Variants in VPS13A observed in about 807,000 individuals in gnomAD.
VPS13A encodes the protein vacuolar protein sorting 13 homolog A.
VPS13A carries 264 observed loss-of-function variants against 390.9 expected under a neutral mutation model. The ratio of observed to expected loss-of-function variants is 0.68; its 90% CI spans 0.61 to 0.75. The LOEUF is 0.75. Among genes scored for constraint, VPS13A ranks in the 30% least tolerant of loss-of-function variants. VPS13A has a pLI of 0.00. For missense variants in VPS13A, 3,409 were observed against 3,733.9 expected (o/e 0.91, Z 2.27); for synonymous variants, 1,231 against 1,227.1 (o/e 1.00, Z -0.07).
intron 68 of VPS13A, 181 bp downstream of exon 68, chr9:77,382,268 C>CT: frequency 6.8e-7 from 1 of 1,472,494 alleles, no homozygotes; most frequent in Non-Finnish European, 9.0e-7. Flanking sequence ...ATTTTTTTTT[C>CT]TTTTTTACAG....
intron 23 of VPS13A, among the ~76,000 whole-genome samples, chr9:77,265,417 A>G (rs543049661): frequency 3.3e-5 from 5 of 152,038 alleles, no homozygotes; most frequent in South Asian, 2.1e-4. Flanking sequence ...CTTTGAATCT[A>G]TCTGGTCGTG....
At chr9:77,217,345 G>A (rs1822920979) in intron 10 of VPS13A, among the ~76,000 whole-genome samples, 1 of 152,154 alleles carries the variant, frequency 6.6e-6, no homozygotes, top group South Asian at 2.1e-4. Context: ...AAATTGTGGA[G>A]TACAATCCTT....
chr9:77,295,333 ATTTTT>A (rs1827919534), intron 32 of VPS13A, among the ~76,000 whole-genome samples: 1 of 152,072 alleles, frequency 6.6e-6, no homozygotes, highest in Non-Finnish European at 1.5e-5. Context: ...TGAGGACTAG[ATTTTT>A]ATTTTATCTG....
intron 5 of VPS13A, among the ~76,000 whole-genome samples, chr9:77,207,217 A>T (rs1203145074): frequency 2.1e-5 from 1 of 48,038 alleles, no homozygotes; most frequent in Non-Finnish European, 3.8e-5. Context: ...TAGATATTAT[A>T]TATATATATA....
At chr9:77,194,429 A>G (rs1824869009) in intron 1 of VPS13A, among the ~76,000 whole-genome samples, 2 of 152,106 alleles carry the variant, frequency 1.3e-5, no homozygotes. Context: ...TCTAGGTCCA[A>G]TAGTCAGCAA....
At chr9:77,398,553 G>C (rs552481482) in intron 68 of VPS13A, among the ~76,000 whole-genome samples, 1 of 152,068 alleles carries the variant, frequency 6.6e-6, no homozygotes, top group Non-Finnish European at 1.5e-5. Flanking sequence ...ATGATGTTTT[G>C]AGTAGTCTAA....
Position 77,209,587 on chromosome 9 carries a change from C to G in VPS13A, c.495+55C>G. 6 of 1,147,030 alleles carry G rather than the reference C, an allele frequency of 5.2e-6. No homozygotes were observed. In the South Asian group the frequency reaches 6.9e-5, roughly 13 times the overall value. 71.1% of individuals were successfully genotyped at this position (1,147,030 alleles called of 1,614,324 possible). On this transcript the variant is annotated intron_variant, in intron 6 of 71. Coordinates refer to ENST00000360280, the MANE Select transcript of VPS13A (RefSeq NM_033305.3). ...TTATATTTATATGTAAGTTATTTTA[C>G]TATTTAATGACACCTACTTTTTAAT...
intron 68 of VPS13A, among the ~76,000 whole-genome samples, chr9:77,383,813 C>T (rs944033980): frequency 6.6e-6 from 1 of 151,950 alleles, no homozygotes; most frequent in Non-Finnish European, 1.5e-5. Context: ...AACCACAGCA[C>T]TTGTCAGCCA....
intron 68 of VPS13A, among the ~76,000 whole-genome samples, chr9:77,391,626 A>G (rs187471745): frequency 2.9e-4 from 44 of 152,332 alleles, no homozygotes; most frequent in South Asian, 6.2e-4. Context: ...GAAGCACTAT[A>G]AAGAAATATA....
At chr9:77,330,174 C>G (rs1830210730) in intron 45 of VPS13A, among the ~76,000 whole-genome samples, 1 of 150,788 alleles carries the variant, frequency 6.6e-6, no homozygotes, top group African/African-American at 2.4e-5. Context: ...CACCACCATA[C>G]CTGGCTAATC....
chr9:77,208,097 A>G (rs778871947), intron 5 of VPS13A, among the ~76,000 whole-genome samples: 1 of 152,220 alleles, frequency 6.6e-6, no homozygotes, highest in Non-Finnish European at 1.5e-5. Context: ...TGGGTAGAGA[A>G]AGAAAGACAA....
intron 47 of VPS13A, 75 bp downstream of exon 47, chr9:77,337,612 A>T: frequency 6.9e-7 from 1 of 1,444,454 alleles, no homozygotes; most frequent in East Asian, 2.3e-5. Context: ...AGATCAATAA[A>T]AACTATTTTA....
chr9:77,233,138 G>T (rs750786675), intron 17 of VPS13A, among the ~76,000 whole-genome samples: 3 of 151,970 alleles, frequency 2.0e-5, no homozygotes, highest in Non-Finnish European at 4.4e-5. Context: ...TCTCGAGGCA[G>T]TTTTTGTAAT....
intron 52 of VPS13A, among the ~76,000 whole-genome samples, chr9:77,348,243 A>G (rs555910362): frequency 6.6e-6 from 1 of 152,324 alleles, no homozygotes; most frequent in East Asian, 1.9e-4. Context: ...TCAACGATAG[A>G]CTGGATGAAG....
intron 68 of VPS13A, among the ~76,000 whole-genome samples, chr9:77,383,333 A>G (rs910146449): frequency 6.6e-6 from 1 of 152,060 alleles, no homozygotes; most frequent in Admixed American, 6.6e-5. Flanking sequence ...CTGGTAATCT[A>G]TTAAGAGGTT....
intron 34 of VPS13A, among the ~76,000 whole-genome samples, chr9:77,304,580 A>G (rs1828603034): frequency 6.6e-6 from 1 of 152,238 alleles, no homozygotes; most frequent in Non-Finnish European, 1.5e-5. Context: ...ATTTAAAGCC[A>G]TGGAAATATA....
intron 1 of VPS13A, among the ~76,000 whole-genome samples, chr9:77,183,108 G>A (rs1388242595): frequency 2.0e-5 from 3 of 152,042 alleles, no homozygotes; most frequent in Non-Finnish European, 4.4e-5. Context: ...AAACTTTAAA[G>A]ACTATGAAAC....
chr9:77,234,290 C>T (rs926007344), intron 17 of VPS13A, among the ~76,000 whole-genome samples: 13 of 152,168 alleles, frequency 8.5e-5, no homozygotes, highest in Admixed American at 8.5e-4. Flanking sequence ...GATCTTCCCA[C>T]CACAGCCTCC....
chr9:77,283,716 A>G, intron 31 of VPS13A, 66 bp downstream of exon 31: 1 of 1,287,776 alleles, frequency 7.8e-7, no homozygotes, highest in Non-Finnish European at 1.1e-6. Flanking sequence ...GAGTGGTCAT[A>G]GGTATCATTT....
Sources: allele counts gnomAD v4.1 joint callset (sites outside exome capture counted in the v4.1 genomes callset), GRCh38; gene constraint gnomAD v4.1.1; transcripts MANE v1.5; gene names NCBI Gene and HGNC (gene_info 2026-07-23, HGNC 2026-07-21).